NBEA: variants seen among roughly 807,000 people sequenced by gnomAD.
NBEA encodes the protein lysosomal-trafficking regulator 2.
Under a neutral mutation model 343.4 loss-of-function variants are expected in NBEA, and 44 were observed. The ratio of observed to expected loss-of-function variants is 0.13; its 90% CI spans 0.10 to 0.16. The LOEUF (loss-of-function observed/expected upper bound fraction) is 0.16. Among genes scored for constraint, NBEA ranks in the 10% least tolerant of loss-of-function variants. NBEA has a pLI of 1.00. For missense variants in NBEA, 2,555 were observed against 3,631.3 expected (o/e 0.70, Z 7.62); for synonymous variants, 1,175 against 1,238.7 (o/e 0.95, Z 1.08).
intron 46 of NBEA, among the ~76,000 whole-genome samples, chr13:35,591,326 T>G (rs1166497482): frequency 1.3e-5 from 2 of 152,108 alleles, no homozygotes; most frequent in Non-Finnish European, 1.5e-5. Context: ...TTATTTAATA[T>G]AATTTAGTGA....
chr13:35,668,945 G>A (rs916488483), intron 58 of NBEA, among the ~76,000 whole-genome samples: 4 of 152,200 alleles, frequency 2.6e-5, no homozygotes, highest in East Asian at 1.9e-4. Flanking sequence ...AGTGTGGGCC[G>A]TAGCTGGCCC....
intron 41 of NBEA, among the ~76,000 whole-genome samples, chr13:35,545,978 C>T (rs1256798577): frequency 6.6e-6 from 1 of 152,212 alleles, no homozygotes; most frequent in Non-Finnish European, 1.5e-5. Flanking sequence ...TCAAAATGCA[C>T]ATACTCTGTA....
chr13:35,640,687 G>A (rs768118943), intron 49 of NBEA, among the ~76,000 whole-genome samples: 3 of 152,306 alleles, frequency 2.0e-5, no homozygotes, highest in South Asian at 2.1e-4. Flanking sequence ...AAAAGAGAAA[G>A]TGTCCCTAAT....
intron 38 of NBEA, among the ~76,000 whole-genome samples, chr13:35,410,906 T>C (rs1167628197): frequency 1.3e-5 from 2 of 152,192 alleles, no homozygotes; most frequent in East Asian, 3.9e-4. Flanking sequence ...GAAGCTTTCC[T>C]GGGCATTTTT....
intron 38 of NBEA, among the ~76,000 whole-genome samples, chr13:35,354,240 A>G (rs1229342616): frequency 6.6e-6 from 1 of 152,170 alleles, no homozygotes; most frequent in African/African-American, 2.4e-5. Flanking sequence ...TTACCCATCT[A>G]CAGACCTTGT....
intron 1 of NBEA, among the ~76,000 whole-genome samples, chr13:34,973,331 G>T (rs2060059945): frequency 6.6e-6 from 1 of 152,086 alleles, no homozygotes; most frequent in African/African-American, 2.4e-5. Context: ...GAGCAGCTGT[G>T]CTGTGCTGGG....
intron 38 of NBEA, among the ~76,000 whole-genome samples, chr13:35,387,838 G>A (rs1594443508): frequency 6.6e-6 from 1 of 152,168 alleles, no homozygotes; most frequent in Admixed American, 6.6e-5. Context: ...AAATGGTAAC[G>A]CTCTGGCTCA....
intron 1 of NBEA, among the ~76,000 whole-genome samples, chr13:35,031,706 T>A (rs2062226467): frequency 6.6e-6 from 1 of 151,612 alleles, no homozygotes; most frequent in African/African-American, 2.4e-5. Context: ...TAAACTCATG[T>A]CATGGGGGTG....
At chr13:35,025,193 T>G (rs1391858368) in intron 1 of NBEA, among the ~76,000 whole-genome samples, 1 of 152,170 alleles carries the variant, frequency 6.6e-6, no homozygotes, top group African/African-American at 2.4e-5. Context: ...GTCCCACTTG[T>G]TTATTTTTGT....
intron 1 of NBEA, among the ~76,000 whole-genome samples, chr13:35,038,854 C>T (rs1225731649): frequency 1.3e-5 from 2 of 152,114 alleles, no homozygotes; most frequent in Admixed American, 6.6e-5. Context: ...GCCAGCATTC[C>T]CTTAGCTGCC....
intron 17 of NBEA, among the ~76,000 whole-genome samples, chr13:35,132,101 A>G (rs1342562974): frequency 3.3e-5 from 5 of 152,162 alleles, no homozygotes; most frequent in African/African-American, 1.2e-4. Flanking sequence ...ATGTATCCAA[A>G]AGAAGTGATA....
chr13:35,316,870 T>G (rs1019755167), intron 36 of NBEA, among the ~76,000 whole-genome samples: 2 of 151,060 alleles, frequency 1.3e-5, no homozygotes, highest in Non-Finnish European at 2.9e-5. Context: ...GGATGATGAG[T>G]TTTTTTTCAT....
intron 36 of NBEA, among the ~76,000 whole-genome samples, chr13:35,339,952 G>A (rs942759810): frequency 2.0e-5 from 3 of 151,982 alleles, no homozygotes; most frequent in African/African-American, 7.2e-5. Context: ...ACCATATTAG[G>A]CACTATCAAA....
chr13:35,406,678 A>G (rs980924589), intron 38 of NBEA, among the ~76,000 whole-genome samples: 8 of 152,140 alleles, frequency 5.3e-5, no homozygotes, highest in African/African-American at 1.9e-4. Flanking sequence ...CCATCACAAG[A>G]AATCAGTTGG....
chr13:35,136,196 A>G (rs979525455), intron 17 of NBEA, among the ~76,000 whole-genome samples: 1 of 152,198 alleles, frequency 6.6e-6, no homozygotes, highest in African/African-American at 2.4e-5. Flanking sequence ...CTTCGTAAGT[A>G]TCCTTCCCTC....
At chr13:35,044,378 G>T (rs1417356022) in intron 2 of NBEA, among the ~76,000 whole-genome samples, 2 of 152,096 alleles carry the variant, frequency 1.3e-5, no homozygotes, top group Non-Finnish European at 2.9e-5. Flanking sequence ...GATTTGTGAG[G>T]TTAGTATCTG....
intron 36 of NBEA, among the ~76,000 whole-genome samples, chr13:35,327,483 C>T (rs1594231691): frequency 2.0e-5 from 3 of 151,934 alleles, no homozygotes; most frequent in Admixed American, 6.6e-5. Context: ...GCAGCAATAT[C>T]GATGTAGCTA....
chr13:35,122,422 G>A (rs1442008608), intron 16 of NBEA, among the ~76,000 whole-genome samples: 1 of 151,946 alleles, frequency 6.6e-6, no homozygotes, highest in Non-Finnish European at 1.5e-5. Context: ...CCTTTGTAGG[G>A]ACATGGATGA....
intron 17 of NBEA, among the ~76,000 whole-genome samples, chr13:35,141,533 G>A (rs1018315410): frequency 2.6e-5 from 4 of 152,130 alleles, no homozygotes; most frequent in Non-Finnish European, 4.4e-5. Context: ...TGAAAGTGCT[G>A]GGATTACAGG....
Sources: gnomAD v4.1 joint callset for allele counts (sites outside exome capture counted in the v4.1 genomes callset) on GRCh38, gnomAD v4.1.1 for gene constraint, MANE v1.5 for transcripts, NCBI Gene and HGNC (gene_info 2026-07-23, HGNC 2026-07-21) for gene names.